Variants in LOC128092252 observed in about 807,000 individuals in gnomAD.
chr15:50,661,285 C>G, the LOC128092252 span, among the ~76,000 whole-genome samples: 2 of 151,994 alleles, frequency 1.3e-5, no homozygotes, highest in African/African-American at 4.8e-5. Flanking sequence ...TATTAACTAC[C>G]ATTCTTATAA....
At chr15:50,658,446 T>C in the LOC128092252 span, among the ~76,000 whole-genome samples, 1 of 151,796 alleles carries the variant, frequency 6.6e-6, no homozygotes, top group African/African-American at 2.4e-5. Flanking sequence ...GGTGCAGGCC[T>C]ATAGTCCTAG....
the LOC128092252 span, among the ~76,000 whole-genome samples, chr15:50,663,429 A>G: frequency 0.33 from 50,048 of 152,014 alleles, 10,055 homozygotes; most frequent in Admixed American, 0.47. Context: ...CCCGGCCCAT[A>G]AACACTTCTA....
chr15:50,653,107 G>A, the LOC128092252 span, among the ~76,000 whole-genome samples: 1 of 152,118 alleles, frequency 6.6e-6, no homozygotes, highest in African/African-American at 2.4e-5. Flanking sequence ...CTGTGACACT[G>A]CACTCCAGTC....
At chr15:50,656,488 T>C in the LOC128092252 span, among the ~76,000 whole-genome samples, 1 of 149,968 alleles carries the variant, frequency 6.7e-6, no homozygotes, top group African/African-American at 2.4e-5. Flanking sequence ...AAGATTTTTG[T>C]GTGTGGTTTT....
At chr15:50,672,898 C>CAAAAA in the LOC128092252 span, among the ~76,000 whole-genome samples, 23 of 26,220 alleles carry the variant, frequency 8.8e-4, 2 homozygotes, top group African/African-American at 2.2e-3. Flanking sequence ...GACTCTGTCT[C>CAAAAA]AAAAAAAAAA....
chr15:50,678,239 C>CAAAAAAAAAAA, the LOC128092252 span, among the ~76,000 whole-genome samples: 1 of 92,080 alleles, frequency 1.1e-5, no homozygotes, highest in African/African-American at 3.6e-5. Context: ...GACTCTCTCT[C>CAAAAAAAAAAA]AAAAAAAAAA....
chr15:50,650,192 CAAAAAAAA>C, the LOC128092252 span, among the ~76,000 whole-genome samples: 20 of 62,290 alleles, frequency 3.2e-4, no homozygotes, highest in East Asian at 1.5e-3. Context: ...GACTTTGTCT[CAAAAAAAA>C]AAAAAAAAAA....
chr15:50,680,793 T>C, the LOC128092252 span, among the ~76,000 whole-genome samples: 1 of 152,320 alleles, frequency 6.6e-6, no homozygotes, highest in East Asian at 1.9e-4. Context: ...TACATGTCCC[T>C]GAATATCAAA....
the LOC128092252 span, among the ~76,000 whole-genome samples, chr15:50,665,247 A>G: frequency 6.6e-6 from 1 of 152,012 alleles, no homozygotes; most frequent in Non-Finnish European, 1.5e-5. Context: ...AAAGTACAAA[A>G]TAAGTCGTGT....
At chr15:50,680,523 C>T in the LOC128092252 span, among the ~76,000 whole-genome samples, 2 of 151,114 alleles carry the variant, frequency 1.3e-5, no homozygotes, top group African/African-American at 2.4e-5. Flanking sequence ...GAGCCAAGAT[C>T]GCACCACTGA....
chr15:50,680,805 G>T, the LOC128092252 span, among the ~76,000 whole-genome samples: 1 of 152,060 alleles, frequency 6.6e-6, no homozygotes, highest in African/African-American at 2.4e-5. Flanking sequence ...AATATCAAAA[G>T]CCTTCTCCAA....
chr15:50,652,655 C>T, the LOC128092252 span, among the ~76,000 whole-genome samples: 1 of 104,360 alleles, frequency 9.6e-6, no homozygotes, highest in South Asian at 3.2e-4. Context: ...CCAAAAAAAT[C>T]GTTTAAGTGG....
the LOC128092252 span, among the ~76,000 whole-genome samples, chr15:50,661,078 G>C: frequency 2.0e-5 from 3 of 151,534 alleles, no homozygotes; most frequent in African/African-American, 7.3e-5. Context: ...CCAGTGTCAA[G>C]CAATTCTCCT....
chr15:50,674,957 TAA>T, the LOC128092252 span, among the ~76,000 whole-genome samples: 39 of 152,318 alleles, frequency 2.6e-4, no homozygotes, highest in Middle Eastern at 3.4e-3. Context: ...AACAATTTGC[TAA>T]AAGTCACTTA....
chr15:50,664,960 G>A, the LOC128092252 span, among the ~76,000 whole-genome samples: 1 of 152,160 alleles, frequency 6.6e-6, no homozygotes, highest in Non-Finnish European at 1.5e-5. Context: ...GCAAGACCCT[G>A]TCTTAAAAAT....
At chr15:50,670,970 T>C in the LOC128092252 span, among the ~76,000 whole-genome samples, 1 of 152,194 alleles carries the variant, frequency 6.6e-6, no homozygotes, top group Admixed American at 6.6e-5. Flanking sequence ...GCTCAGGAAT[T>C]TGAGACCAGA....
At chr15:50,663,988 GA>G in the LOC128092252 span, among the ~76,000 whole-genome samples, 5 of 151,834 alleles carry the variant, frequency 3.3e-5, no homozygotes, top group South Asian at 8.3e-4. Context: ...AAAAAAACCT[GA>G]AAAAAAGACA....
the LOC128092252 span, among the ~76,000 whole-genome samples, chr15:50,677,080 A>G: frequency 1.3e-5 from 2 of 152,188 alleles, no homozygotes; most frequent in East Asian, 1.9e-4. Context: ...TTGGTGGGAT[A>G]ACAACTGAAA....
chr15:50,660,039 G>T, the LOC128092252 span, among the ~76,000 whole-genome samples: 2 of 152,096 alleles, frequency 1.3e-5, no homozygotes, highest in Admixed American at 1.3e-4. Context: ...TTTAGAACTG[G>T]CACACTGAAC....
Sources: allele counts gnomAD v4.1 joint callset (sites outside exome capture counted in the v4.1 genomes callset), GRCh38; gene constraint gnomAD v4.1.1; transcripts MANE v1.5.